TMEM178B: variants seen among roughly 807,000 people sequenced by gnomAD.
The protein encoded by TMEM178B is transmembrane protein 178B.
Under a neutral mutation model 31.0 loss-of-function variants are expected in TMEM178B, and 5 were observed. The ratio of observed to expected loss-of-function variants is 0.16; its 90% confidence interval spans 0.08 to 0.34. The LOEUF is 0.34. Ranked by LOEUF, TMEM178B falls within the 10% of genes least tolerant of loss-of-function variation. The pLI is 1.00. For missense variants in TMEM178B, 275 were observed against 400.3 expected, an observed-to-expected ratio of 0.69 and a Z score of 2.67; for synonymous variants, 164 against 164.0, an observed-to-expected ratio of 1.00 and a Z score of 0.00.
rs1268277681 is a variant in TMEM178B, at chr7:141,471,717, T to C, written c.*931T>C. ...AGGCCCAGAGACCTAGAAATTGTCA[T>C]GAGGGACAGGCCTATAAGGGTGCCA... On this transcript the variant is annotated 3_prime_UTR_variant, in exon 4 of 4. Transcript: ENST00000565468. The surrounding 1 kb of genome is among the most constrained non-coding windows in gnomAD (Gnocchi z 4.1). 1.3e-5 allele frequency: 2 copies of C among 151,556 alleles called. No homozygotes were observed. The highest frequency in any genetic ancestry group is 2.9e-5 in the Non-Finnish European group (2 of 68,068). 9.4% of individuals were successfully genotyped at this position (151,556 alleles called of 1,614,324 possible). A position where few individuals can be genotyped will look rare whatever the true frequency, so the allele number is the denominator to read the frequency against.
intron 1 of TMEM178B, among the ~76,000 whole-genome samples, chr7:141,146,652 C>T (rs1795857535): frequency 1.3e-5 from 2 of 152,172 alleles, no homozygotes; most frequent in African/African-American, 4.8e-5. Context: ...ATTATCAGTA[C>T]TACTAAGGAT....
intron 3 of TMEM178B, among the ~76,000 whole-genome samples, chr7:141,441,175 C>T (rs1319098724): frequency 2.0e-5 from 3 of 152,178 alleles, no homozygotes; most frequent in Non-Finnish European, 4.4e-5. Flanking sequence ...GCTGCACTTC[C>T]CGCCTCTTTG....
rs111480476 is a variant in TMEM178B, at chr7:141,249,912, G to A, written c.496+37208G>A. On this transcript the variant is annotated intron_variant, in intron 2 of 3. Coordinates refer to ENST00000565468, the MANE Select transcript of TMEM178B (RefSeq NM_001195278.2). ...TCTAATAATTCAGAGGCAAGCTTTAGTGGAGATGATTAATTCAACATGGAT... is the reference window on the plus strand; with the variant it reads ...TCTAATAATTCAGAGGCAAGCTTTAATGGAGATGATTAATTCAACATGGAT... Among the ~76,000 whole-genome samples the A allele has an allele frequency of 2.2e-3, 335 of 152,294 alleles. 2 individuals carry two copies. The East Asian group carries it at 0.041, about 19-fold the overall frequency.
At chr7:141,419,952 A>G (rs1297963233) in intron 2 of TMEM178B, among the ~76,000 whole-genome samples, 2 of 152,174 alleles carry the variant, frequency 1.3e-5, no homozygotes, top group African/African-American at 4.8e-5. Flanking sequence ...CCTATTCATC[A>G]AATATGATAA....
At chr7:141,230,867 G>A (rs577201229) in intron 2 of TMEM178B, among the ~76,000 whole-genome samples, 29 of 152,252 alleles carry the variant, frequency 1.9e-4, no homozygotes, top group African/African-American at 6.3e-4. Context: ...GGACAGCAGA[G>A]GCTGAACCTT....
chr7:141,138,272 AGG>A (rs1415783102), intron 1 of TMEM178B, among the ~76,000 whole-genome samples: 7 of 152,084 alleles, frequency 4.6e-5, no homozygotes, highest in Non-Finnish European at 8.8e-5. Context: ...CATGTTAGCC[AGG>A]ATGGTCTCGA....
chr7:141,315,685 T>C (rs1016184660), intron 2 of TMEM178B, among the ~76,000 whole-genome samples: 3 of 152,202 alleles, frequency 2.0e-5, no homozygotes, highest in Non-Finnish European at 4.4e-5. Context: ...CCTGACGTGA[T>C]TATAAGCTCT....
chr7:141,123,919 T>C (rs1221735359), intron 1 of TMEM178B, among the ~76,000 whole-genome samples: 1 of 151,910 alleles, frequency 6.6e-6, no homozygotes, highest in Non-Finnish European at 1.5e-5. Context: ...AGCCTGGCTA[T>C]TTTTTTTGTA....
chr7:141,089,561 A>G (rs1035023595), intron 1 of TMEM178B, among the ~76,000 whole-genome samples: 1 of 152,166 alleles, frequency 6.6e-6, no homozygotes, highest in Admixed American at 6.5e-5. Flanking sequence ...ACATGCACAC[A>G]TATGTTTATT....
At chr7:141,439,676 G>C (rs377541175) in intron 3 of TMEM178B, among the ~76,000 whole-genome samples, 175 of 152,274 alleles carry the variant, frequency 1.1e-3, no homozygotes, top group African/African-American at 3.8e-3. Context: ...GTAAAACAAG[G>C]CTTTCCTAAG....
At position 141,471,085 on chromosome 7, in the gene TMEM178B, G is replaced by T. The variant is rs1214984805; in HGVS notation, c.*299G>T. 1 of 152,664 alleles carries T rather than the reference G, an allele frequency of 6.6e-6. No individual in the cohort carries two copies. Among genetic ancestry groups the T allele is most frequent in the Non-Finnish European group, 1.5e-5 (1 of 68,514 alleles). The allele number at this position is 152,664 out of a possible 1,614,324, so 9.5% of individuals were successfully genotyped here. On this transcript the variant is annotated 3_prime_UTR_variant, in exon 4 of 4. Transcript: ENST00000565468. This position sits in a 1 kb window ranked among gnomAD's most constrained non-coding sequence, Gnocchi z 4.1. ...TCACTGGCGAGGATGGGGTGGTGAA[G>T]GGACAGTGGAAGGGGTCTGAGGCAG...
At chr7:141,372,241 C>T (rs1800130942) in intron 2 of TMEM178B, among the ~76,000 whole-genome samples, 1 of 152,182 alleles carries the variant, frequency 6.6e-6, no homozygotes, top group Admixed American at 6.5e-5. Flanking sequence ...CTATTAGCAT[C>T]ATTGGACAGA....
At chr7:141,412,697 G>A (rs1046588526) in intron 2 of TMEM178B, among the ~76,000 whole-genome samples, 4 of 152,176 alleles carry the variant, frequency 2.6e-5, no homozygotes, top group South Asian at 2.1e-4. Context: ...AGCGGAGCTC[G>A]GGGGAGTCAG....
intron 1 of TMEM178B, among the ~76,000 whole-genome samples, chr7:141,090,330 T>TA (rs1256762011): frequency 6.6e-6 from 1 of 152,192 alleles, no homozygotes; most frequent in Non-Finnish European, 1.5e-5. Context: ...GTGTTGGAGT[T>TA]ACAGGAGTGA....
At chr7:141,245,994 A>T (rs1343438375) in intron 2 of TMEM178B, among the ~76,000 whole-genome samples, 1 of 151,876 alleles carries the variant, frequency 6.6e-6, no homozygotes, top group African/African-American at 2.4e-5. Flanking sequence ...TTGGGAAATG[A>T]TGCGATTTTT....
chr7:141,154,310 C>T (rs1284484195), intron 1 of TMEM178B, among the ~76,000 whole-genome samples: 9 of 152,264 alleles, frequency 5.9e-5, no homozygotes, highest in African/African-American at 2.2e-4. Flanking sequence ...AAAGCCCTTG[C>T]CTCAGGCCAG....
At chr7:141,227,404 T>C (rs148442357) in intron 2 of TMEM178B, among the ~76,000 whole-genome samples, 14 of 152,334 alleles carry the variant, frequency 9.2e-5, no homozygotes, top group African/African-American at 3.1e-4. Context: ...TATGCAATAA[T>C]CACCACTTAC....
rs546023737 is a variant in TMEM178B, at chr7:141,281,586, G to A, written c.496+68882G>A. The stretch of plus-strand genomic sequence containing the variant: ...TTCTGTCTAGTGTGAAGGTGGAGAA[G>A]CAAATGCACCCTGGTAATGGGAGGG... On this transcript the variant is annotated intron_variant, in intron 2 of 3. Transcript: ENST00000565468. Among the ~76,000 whole-genome samples the A allele has an allele frequency of 5.4e-4, 82 of 152,276 alleles. 1 individual carries two copies. In the South Asian group the frequency reaches 0.017, roughly 32 times the overall value.
At chr7:141,212,988 T>G (rs367629172) in intron 2 of TMEM178B, among the ~76,000 whole-genome samples, 3 of 152,248 alleles carry the variant, frequency 2.0e-5, no homozygotes, top group Non-Finnish European at 4.4e-5. Context: ...CTGGTAGGCA[T>G]GTAAGATTTC....
Sources: allele counts gnomAD v4.1 joint callset (sites outside exome capture counted in the v4.1 genomes callset), GRCh38; gene constraint gnomAD v4.1.1; non-coding constraint Gnocchi (gnomAD v3.1); transcripts MANE v1.5; gene names NCBI Gene and HGNC (gene_info 2026-07-23, HGNC 2026-07-21).